Variants in PLIN2 observed in about 807,000 individuals in gnomAD.
PLIN2 encodes the protein perilipin 2.
Under a neutral mutation model 30.6 loss-of-function variants are expected in PLIN2, and 33 were observed. The observed-to-expected ratio is 1.08, with a 90% CI of 0.82 to 1.44. PLIN2 has a LOEUF of 1.44. Among genes scored for constraint, PLIN2 ranks in the 40% most tolerant of loss-of-function variants. PLIN2 has a pLI of 0.00. For missense variants in PLIN2, 610 were observed against 531.8 expected, an observed-to-expected ratio of 1.15 and a Z score of -1.45; for synonymous variants, 205 against 201.1, an observed-to-expected ratio of 1.02 and a Z score of -0.16.
chr9:19,114,443 T>C (rs1818194901), downstream of PLIN2, among the ~76,000 whole-genome samples: 1 of 151,924 alleles, frequency 6.6e-6, no homozygotes, highest in Non-Finnish European at 1.5e-5. Flanking sequence ...CTCACTCTGT[T>C]GCTCAGGTTG....
At position 19,119,674 on chromosome 9, in the gene PLIN2, A is replaced by G; in HGVS notation, c.753T>C (p.Ser251=). ...CCAGGTGAACAGTAGAATGGAGCTGAGAAATGGTCTGTTGGCTTTTTTGCT... is the reference window on the plus strand; with the variant it reads ...CCAGGTGAACAGTAGAATGGAGCTGGGAAATGGTCTGTTGGCTTTTTTGCT... The part of the protein sequence containing the change: ...EAKQKSQQTI[S]QLHSTVHLIE... The change falls in exon 6 of 8, where the codon TCT becomes TCC. Residue 251 remains serine, a synonymous_variant. Coordinates refer to ENST00000276914, the MANE Select transcript of PLIN2 (RefSeq NM_001122.4). 4 of 1,602,992 alleles carry G rather than the reference A, an allele frequency of 2.5e-6. No homozygotes were observed. The highest frequency in any genetic ancestry group is 3.4e-6 in the Non-Finnish European group (4 of 1,173,330).
intron 4 of PLIN2, among the ~76,000 whole-genome samples, chr9:19,121,792 G>T (rs977458572): frequency 2.0e-5 from 3 of 152,112 alleles, no homozygotes; most frequent in Non-Finnish European, 4.4e-5. Context: ...TTAGTTGGGC[G>T]TGGTGGCACA....
chr9:19,120,527 T>C (rs1436163282), intron 5 of PLIN2, among the ~76,000 whole-genome samples: 3 of 152,224 alleles, frequency 2.0e-5, no homozygotes, highest in Non-Finnish European at 4.4e-5. Flanking sequence ...ATGTGAACTT[T>C]ATGATTGCTT....
At chr9:19,115,617 T>C (rs868629051), downstream of PLIN2, among the ~76,000 whole-genome samples, 2 of 152,232 alleles carry the variant, frequency 1.3e-5, no homozygotes, top group Middle Eastern at 6.8e-3. Flanking sequence ...AAGCATCCCA[T>C]TTTTAACATT....
rs768322837 is a variant in PLIN2, at chr9:19,119,801, T to A, written c.626A>T (p.Asp209Val). Residue 209 changes from aspartate (D) to valine (V), a missense_variant, in exon 6 of 8, where the codon GAT becomes GTT. By Grantham distance (152) the Asp-to-Val change is radical. Transcript: ENST00000276914. The part of the protein sequence containing the change: ...EKEAKKVEGF[D>V]LVQKPSYYVR... ...ATAATAACTTGGCTTCTGAACCAGA[T>A]CAAATCCTTCAACTTTTTTTGCTTC... 1.9e-6 allele frequency: 3 copies of A among 1,567,656 alleles called. No individual in the cohort carries two copies. In the African/African-American group the frequency reaches 4.1e-5, roughly 22 times the overall value.
chr9:19,121,500 A>G (rs1359568433), intron 4 of PLIN2, among the ~76,000 whole-genome samples: 1 of 151,462 alleles, frequency 6.6e-6, no homozygotes, highest in Non-Finnish European at 1.5e-5. Flanking sequence ...AAAAAAAAAA[A>G]AAAAAAAAGA....
intron 3 of PLIN2, chr9:19,125,471 G>C (rs1002732292): frequency 6.6e-6 from 1 of 152,196 alleles, no homozygotes; most frequent in Admixed American, 6.5e-5. Context: ...ACAATCACCT[G>C]AGCCCGAGAG....
chr9:19,110,097 G>C (rs894668720), intron 2 of PLIN2, among the ~76,000 whole-genome samples: 2 of 151,742 alleles, frequency 1.3e-5, no homozygotes, highest in South Asian at 2.1e-4. Context: ...AATCTCAGCT[G>C]TCTGCAACCT....
exon 3 of PLIN2, chr9:19,108,481 G>A (rs1818120025): frequency 6.6e-6 from 1 of 152,428 alleles, no homozygotes; most frequent in Admixed American, 6.5e-5. Flanking sequence ...TTAGATCAGA[G>A]TGTCATTGCA....
intron 2 of PLIN2, among the ~76,000 whole-genome samples, chr9:19,109,985 T>C (rs78663161): frequency 2.0e-5 from 3 of 150,694 alleles, no homozygotes; most frequent in African/African-American, 7.3e-5. Context: ...CCTCAAAAAA[T>C]AGAAGGAAAG....
At chr9:19,124,727 G>A (rs1198987155) in intron 3 of PLIN2, among the ~76,000 whole-genome samples, 1 of 151,732 alleles carries the variant, frequency 6.6e-6, no homozygotes, top group Non-Finnish European at 1.5e-5. Context: ...TCCACTCCTG[G>A]GTATATACCA....
rs1182363452 is a variant in PLIN2 at position 19,109,528 on chromosome 9, G to A, written n.418-781C>T. ...ACCACTCCAGCCTGGGCGACAGAGC[G>A]AGACTCTGTCTGAAAAAAAAAAAAA... On this transcript the variant is annotated intron_variant and non_coding_transcript_variant, in intron 2 of 2. Coordinates refer to the PLIN2 transcript ENST00000464326. 4.7e-5 allele frequency among the ~76,000 whole-genome samples: 6 copies of A among 127,400 alleles called. No individual in the cohort carries two copies. In the East Asian group the frequency reaches 1.3e-3, roughly 28 times the overall value. The allele number at this position is 127,400 out of a possible 152,430, so 83.6% of individuals were successfully genotyped here. A position where few individuals can be genotyped will look rare whatever the true frequency, so the allele number is the denominator to read the frequency against.
In PLIN2 at chr9:19,116,636, C is replaced by G. The variant is rs765371172; in HGVS notation, c.926G>C (p.Arg309Pro). 9 of 1,611,386 alleles carry G rather than the reference C, an allele frequency of 5.6e-6. No homozygotes were observed. The highest frequency in any genetic ancestry group is 4.4e-5 in the South Asian group (4 of 91,042). The change falls in exon 8 of 8, where the codon CGT (arginine) becomes CCT (proline). Residue 309 changes from arginine to proline, a missense_variant. Coordinates refer to ENST00000276914, the MANE Select transcript of PLIN2 (RefSeq NM_001122.4). ...CAGGTTGCGGGCAATTGCAAGAGTA[C>G]GTGACTCAATGTGCTAAAAATAAAA... ...ESHCAEHIES[R>P]TLAIARNLTQ...
intron 4 of PLIN2, 22 bp from the exon 5 acceptor site, chr9:19,121,187 C>T: frequency 6.2e-7 from 1 of 1,610,184 alleles, no homozygotes; most frequent in African/African-American, 1.3e-5. Flanking sequence ...AAAGCAGATC[C>T]CCTGGCTGGT....
At chr9:19,111,630 A>G (rs1487768137), downstream of PLIN2, among the ~76,000 whole-genome samples, 1 of 151,958 alleles carries the variant, frequency 6.6e-6, no homozygotes, top group African/African-American at 2.4e-5. Flanking sequence ...AAGGTTTTAG[A>G]AGTTCAGTCC....
chr9:19,121,640 T>C (rs1818318802), intron 4 of PLIN2, among the ~76,000 whole-genome samples: 2 of 152,130 alleles, frequency 1.3e-5, no homozygotes, highest in Non-Finnish European at 2.9e-5. Flanking sequence ...AGTATGCAGT[T>C]ATTATACATG....
rs372188927 is a variant in PLIN2 at position 19,116,580 on chromosome 9, G to C, written c.982C>G (p.Leu328Val). The C allele has an allele frequency of 6.2e-7, 1 of 1,614,148 alleles. No homozygotes were observed. Among genetic ancestry groups the C allele is most frequent in the Non-Finnish European group, 8.5e-7 (1 of 1,179,986 alleles). Residue 328 changes from leucine to valine, a missense_variant, in exon 8 of 8, where the codon CTC becomes GTC. By Grantham distance (32) the Leu-to-Val change is conservative. Transcript: ENST00000276914. ...TQQLQTTCHT[L>V]LSNIQGVPQN... ...GGTACACCTTGGATGTTGGACAGGA[G>C]GGTGTGGCACGTGGTCTGGAGCTGC...
At chr9:19,109,895 G>A (rs1818136645) in intron 2 of PLIN2, among the ~76,000 whole-genome samples, 1 of 151,712 alleles carries the variant, frequency 6.6e-6, no homozygotes, top group Non-Finnish European at 1.5e-5. Context: ...GGCAGAGGTT[G>A]CAGTGAGCCA....
chr9:19,113,082 C>A (rs1336476102), downstream of PLIN2, among the ~76,000 whole-genome samples: 3 of 152,046 alleles, frequency 2.0e-5, no homozygotes, highest in Non-Finnish European at 4.4e-5. Flanking sequence ...GTGGCTCACG[C>A]CTGTAATCCC....
Sources: allele counts gnomAD v4.1 joint callset (sites outside exome capture counted in the v4.1 genomes callset), GRCh38; gene constraint gnomAD v4.1.1; transcripts MANE v1.5; gene names NCBI Gene and HGNC (gene_info 2026-07-23, HGNC 2026-07-21).